Variants in GATA5 observed in about 807,000 individuals in gnomAD.
GATA5 encodes GATA binding protein 5, also known as transcription factor GATA-5.
Under a neutral mutation model 35.0 loss-of-function variants are expected in GATA5, and 27 were observed. The observed-to-expected ratio is 0.77, with a 90% CI of 0.57 to 1.06. GATA5 has a LOEUF of 1.06. Ranked by LOEUF, GATA5 falls within the 50% of genes least tolerant of loss-of-function variation. The pLI, the probability that GATA5 is intolerant of heterozygous loss-of-function variation, is 0.00. For missense variants in GATA5, 612 were observed against 580.0 expected, an observed-to-expected ratio of 1.06 and a Z score of -0.57; for synonymous variants, 306 against 267.8, an observed-to-expected ratio of 1.14 and a Z score of -1.39.
chr20:62,466,060 T>C lies in GATA5; in HGVS notation c.826-139A>G, dbSNP rs1388193218. On this transcript the variant is annotated intron_variant, in intron 4 of 6. Transcript: ENST00000252997. ...GTCCTCACAGCCCTGGTGGGTCAGC[T>C]GCCAGCTGGGCTGGGTGAGGGGGAG... The C allele has an allele frequency of 3.0e-5, 20 of 675,094 alleles. No homozygotes were observed. In the Admixed American group the frequency reaches 4.8e-4, roughly 16 times the overall value. The allele number at this position is 675,094 out of a possible 1,614,324, so 41.8% of individuals were successfully genotyped here.
At position 62,464,848 on chromosome 20, in the gene GATA5, C is replaced by T. The variant is rs1555895852; in HGVS notation, c.1182G>A (p.Leu394=). The T allele has an allele frequency of 1.4e-5, 23 of 1,603,224 alleles. No individual in the cohort carries two copies. Among genetic ancestry groups the T allele is most frequent in the Non-Finnish European group, 1.8e-5 (21 of 1,174,566 alleles). Residue 394 remains leucine (L), a synonymous_variant, in exon 7 of 7, where the codon CTG becomes CTA. Transcript: ENST00000252997. ...GALRQEAWCA[L]ALA The stretch of plus-strand genomic sequence containing the variant: ...CTGGCCTGGGGACCTAGGCCAAGGC[C>T]AGCGCACACCAGGCCTCTTGGCGCA...
intron 4 of GATA5, 127 bp from the exon 5 acceptor site, chr20:62,466,048 T>TCCA: frequency 1.4e-6 from 1 of 705,448 alleles, no homozygotes; most frequent in Non-Finnish European, 2.4e-6. Context: ...CTCACAGCCC[T>TCCA]GGTGGGTCAG....
At position 62,471,005 on chromosome 20, in the gene GATA5, A is replaced by T. The variant is rs552881871; in HGVS notation, c.699+2398T>A. Among the ~76,000 whole-genome samples the T allele has an allele frequency of 1.6e-3, 247 of 152,316 alleles. 1 individual carries two copies. Among genetic ancestry groups the T allele is most frequent in the African/African-American group, 5.7e-3 (235 of 41,574 alleles). ...AGGCCCAAGCACACAACACCAGCTA[A>T]TTTAACTTTTACAGCAAGGTGTGGA... On this transcript the variant is annotated intron_variant, in intron 3 of 6. Transcript: ENST00000252997.
chr20:62,471,917 TA>T (rs142379334), intron 3 of GATA5, among the ~76,000 whole-genome samples: 1,542 of 140,446 alleles, frequency 0.011, 45 homozygotes, highest in African/African-American at 0.041. Context: ...TTTTTTTTTT[TA>T]AATTTTTAGT....
At position 62,475,141 on chromosome 20, in the gene GATA5, C is replaced by A. The variant is rs782029132; in HGVS notation, c.381G>T (p.Ala127=). 5 of 1,358,030 alleles carry A rather than the reference C, an allele frequency of 3.7e-6. No individual in the cohort carries two copies. Among genetic ancestry groups the A allele is most frequent in the Non-Finnish European group, 3.8e-6 (4 of 1,052,836 alleles). The allele number at this position is 1,358,030 out of a possible 1,614,324, so 84.1% of individuals were successfully genotyped here. ...QGALLPREQF[A]APLGRPVGTS... Reference sequence around the variant, plus strand: ...TCCCCACCGGCCGCCCAAGCGGGGCCGCGAACTGTTCTCGAGGCAACAGCG... The same window carrying A: ...TCCCCACCGGCCGCCCAAGCGGGGCAGCGAACTGTTCTCGAGGCAACAGCG... Residue 127 remains alanine, a synonymous_variant, in exon 2 of 7, where the codon GCG becomes GCT. Transcript: ENST00000252997.
Position 62,475,359 on chromosome 20 carries a change from G to C in GATA5, c.163C>G (p.Pro55Ala), listed in dbSNP as rs111252974. Residue 55 changes from proline (P) to alanine (A), a missense_variant, in exon 2 of 7, where the codon CCC becomes GCC. Transcript: ENST00000252997. ...CCGGGGCGCGCAGCGAGCTCGGGGG[G>C]CTGCGGGCTCGGCTCACACCCGGAC... ...YLSGCEPSPQPPELAARPGWA... is the reference protein window; with the variant it reads ...YLSGCEPSPQAPELAARPGWA... 9.5e-6 allele frequency: 12 copies of C among 1,263,782 alleles called. No individual in the cohort carries two copies. The highest frequency in any genetic ancestry group is 3.1e-5 in the South Asian group (1 of 32,542). The allele number at this position is 1,263,782 out of a possible 1,614,324, so 78.3% of individuals were successfully genotyped here.
intron 3 of GATA5, among the ~76,000 whole-genome samples, chr20:62,469,500 G>A (rs1555896375): frequency 1.3e-5 from 2 of 152,176 alleles, no homozygotes; most frequent in South Asian, 2.1e-4. Flanking sequence ...CACTCCACAC[G>A]TCCCCGCACA....
rs1244225493 is a variant in GATA5 at position 62,473,585 on chromosome 20, G to A, written c.524-7C>T. ...TCCTCCAAGAAGTCGGACACTGAGG[G>A]GACAGGCAGCTGGTGGGCCCGGGCC... On this transcript the variant is annotated splice_polypyrimidine_tract_variant and splice_region_variant and intron_variant, in intron 2 of 6. Transcript: ENST00000252997. 4 of 1,580,056 alleles carry A rather than the reference G, an allele frequency of 2.5e-6. No homozygotes were observed. Among genetic ancestry groups the A allele is most frequent in the African/African-American group, 2.7e-5 (2 of 74,278 alleles).
In GATA5 at chr20:62,470,399, C is replaced by G. The variant is rs868917600; in HGVS notation, c.699+3004G>C. Among the ~76,000 whole-genome samples the G allele has an allele frequency of 2.6e-4, 40 of 152,324 alleles. No individual in the cohort carries two copies. Among genetic ancestry groups the G allele is most frequent in the African/African-American group, 9.4e-4 (39 of 41,568 alleles). On this transcript the variant is annotated intron_variant, in intron 3 of 6. Coordinates refer to ENST00000252997, the MANE Select transcript of GATA5 (RefSeq NM_080473.5). The surrounding 1 kb of genome is among the most constrained non-coding windows in gnomAD (Gnocchi z 4.6). The stretch of plus-strand genomic sequence containing the variant: ...TGCCGCAGAGTCTGAGCCTTGGGGA[C>G]GGGTGAGTGGCTGGAATGTCTCCAA...
chr20:62,466,587 C>A (rs1308212996), intron 3 of GATA5, 36 bp from the exon 4 acceptor site: 1 of 1,533,634 alleles, frequency 6.5e-7, no homozygotes, highest in Non-Finnish European at 8.8e-7. Context: ...GAGCCCCGGG[C>A]CGGGTGCGCG....
Position 62,466,435 on chromosome 20 carries a change from C to T in GATA5, c.816G>A (p.Lys272=). The T allele has an allele frequency of 6.3e-7, 1 of 1,586,738 alleles. No homozygotes were observed. Among genetic ancestry groups the T allele is most frequent in the Non-Finnish European group, 8.6e-7 (1 of 1,166,940 alleles). ...CGGGGACCACACTCACCCCGTGCAG[C>T]TTCATGTAGAGGCCGCAGGCATTGC... ...PVCNACGLYM[K]LHGVPRPLAM... The change falls in exon 4 of 7, where the codon AAG becomes AAA. Residue 272 remains lysine, a synonymous_variant. Coordinates refer to ENST00000252997, the MANE Select transcript of GATA5 (RefSeq NM_080473.5).
Position 62,475,176 on chromosome 20 carries a change from A to G in GATA5, c.346T>C (p.Tyr116His). The G allele has an allele frequency of 4.7e-6, 6 of 1,283,188 alleles. No individual in the cohort carries two copies. Among genetic ancestry groups the G allele is most frequent in the Non-Finnish European group, 4.9e-6 (5 of 1,011,634 alleles). The allele number at this position is 1,283,188 out of a possible 1,614,324, so 79.5% of individuals were successfully genotyped here. A position where few individuals can be genotyped will look rare whatever the true frequency, so the allele number is the denominator to read the frequency against. ...GSAGGRDGSA[Y>H]QGALLPREQF... ...TCTCGAGGCAACAGCGCGCCCTGGT[A>G]GGCACTGCCGTCTCGGCCCCCCGCG... is the stretch of plus-strand genomic sequence containing the variant. The change falls in exon 2 of 7, where the codon TAC becomes CAC. Residue 116 changes from tyrosine (Y) to histidine (H), a missense_variant. By Grantham distance (83) the Tyr-to-His change is moderately conservative (BLOSUM62 2). Transcript: ENST00000252997.
chr20:62,470,864 G>A lies in GATA5; in HGVS notation c.699+2539C>T, dbSNP rs6121613. 0.12 allele frequency among the ~76,000 whole-genome samples: 18,031 copies of A among 152,130 alleles called. 1,278 individuals carry two copies. Among genetic ancestry groups the A allele is most frequent in the South Asian group, 0.21 (1,003 of 4,826 alleles). On this transcript the variant is annotated intron_variant, in intron 3 of 6. Coordinates refer to ENST00000252997, the MANE Select transcript of GATA5 (RefSeq NM_080473.5). The surrounding 1 kb of genome is among the most constrained non-coding windows in gnomAD (Gnocchi z 4.6). ...CGAGGCCTCTGGTCTTGGCAAGATG[G>A]ACAGTAAACAGGGTCCTCCCCCAGG... is the stretch of plus-strand genomic sequence containing the variant.
At position 62,466,329 on chromosome 20, in the gene GATA5, C is replaced by A. The variant is rs908499171; in HGVS notation, c.825+97G>T. The A allele has an allele frequency of 2.9e-5, 40 of 1,360,998 alleles. 2 individuals carry two copies. In the South Asian group the frequency reaches 5.2e-4, roughly 18 times the overall value. The allele number at this position is 1,360,998 out of a possible 1,614,324, so 84.3% of individuals were successfully genotyped here. A position where few individuals can be genotyped will look rare whatever the true frequency, so the allele number is the denominator to read the frequency against. ...AGCCCAGGGGACAATAGCCATCCTGCCCGCTCCTCCCCAGCCTCTTGGTCT... is the reference window on the plus strand; with the variant it reads ...AGCCCAGGGGACAATAGCCATCCTGACCGCTCCTCCCCAGCCTCTTGGTCT... On this transcript the variant is annotated intron_variant, in intron 4 of 6. Coordinates refer to ENST00000252997, the MANE Select transcript of GATA5 (RefSeq NM_080473.5).
chr20:62,475,096 G>T lies in GATA5; in HGVS notation c.426C>A (p.Tyr142Ter). Reference sequence around the variant, plus strand: ...CCACGTCGGGGCTCACGTAGGCCGGGTAGGTGGCGGAGTACGAGGTCCCCA... The same window carrying T: ...CCACGTCGGGGCTCACGTAGGCCGGTTAGGTGGCGGAGTACGAGGTCCCCA... ...RPVGTSYSATYPAYVSPDVAQ... is the reference protein window; with the variant it reads ...RPVGTSYSAT The change falls in exon 2 of 7, where the codon TAC becomes TAA. Residue 142 changes from tyrosine (Y) to a stop codon, truncating the protein, a stop_gained. Coordinates refer to ENST00000252997, the MANE Select transcript of GATA5 (RefSeq NM_080473.5). LOFTEE classifies it high-confidence loss of function. 1 of 1,402,194 alleles carries T rather than the reference G, an allele frequency of 7.1e-7. No individual in the cohort carries two copies. Among genetic ancestry groups the T allele is most frequent in the Non-Finnish European group, 9.3e-7 (1 of 1,074,656 alleles). 86.9% of individuals were successfully genotyped at this position (1,402,194 alleles called of 1,614,324 possible).
chr20:62,474,280 G>A (rs1989796829), intron 2 of GATA5, among the ~76,000 whole-genome samples: 1 of 152,314 alleles, frequency 6.6e-6, no homozygotes, highest in East Asian at 1.9e-4. Flanking sequence ...CGGGCGCCGA[G>A]TGGGGGTGGG....
chr20:62,473,487 G>A lies in GATA5; in HGVS notation c.615C>T (p.Thr205=), dbSNP rs1555896769. ...LSTPLWRRDG[T]GHYLCNACGL... is the part of the protein sequence containing the mutation. Reference sequence around the variant, plus strand: ...CGCAGGCATTGCACAGGTAGTGGCCGGTGCCGTCTCGGCGCCACAGCGGTG... The same window carrying A: ...CGCAGGCATTGCACAGGTAGTGGCCAGTGCCGTCTCGGCGCCACAGCGGTG... Residue 205 remains threonine, a synonymous_variant, in exon 3 of 7, where the codon ACC becomes ACT. Coordinates refer to ENST00000252997, the MANE Select transcript of GATA5 (RefSeq NM_080473.5). The A allele has an allele frequency of 7.4e-6, 12 of 1,610,910 alleles. No individual in the cohort carries two copies. The East Asian group carries it at 1.3e-4, about 18-fold the overall frequency.
intron 3 of GATA5, among the ~76,000 whole-genome samples, chr20:62,472,669 G>A (rs927798616): frequency 1.3e-5 from 2 of 152,220 alleles, no homozygotes; most frequent in Non-Finnish European, 1.5e-5. Context: ...GAAAGTAAAG[G>A]TTTGCCTGGG....
intron 3 of GATA5, among the ~76,000 whole-genome samples, chr20:62,472,317 C>T (rs1443434759): frequency 6.6e-6 from 1 of 152,332 alleles, no homozygotes; most frequent in East Asian, 1.9e-4. Context: ...CTGGGACCTC[C>T]CACGCTCAGG....
Sources: allele counts gnomAD v4.1 joint callset (sites outside exome capture counted in the v4.1 genomes callset), GRCh38; gene constraint gnomAD v4.1.1; non-coding constraint Gnocchi (gnomAD v3.1); transcripts MANE v1.5; gene names NCBI Gene and HGNC (gene_info 2026-07-23, HGNC 2026-07-21).